NT5DC1: variants seen among roughly 807,000 people sequenced by gnomAD.
NT5DC1 encodes the protein 5'-nucleotidase domain containing 1, also known as 5'-nucleotidase domain-containing protein 1.
Under a neutral mutation model 59.4 loss-of-function variants are expected in NT5DC1, and 42 were observed. The ratio of observed to expected loss-of-function variants is 0.71; its 90% CI spans 0.55 to 0.92. NT5DC1 has a LOEUF of 0.92. NT5DC1 is among the 40% of genes least tolerant of loss of function. The pLI is 0.00. For synonymous variants in NT5DC1, 172 were observed against 188.1 expected, an observed-to-expected ratio of 0.91 and a Z score of 0.70; for missense variants, 501 against 537.1, an observed-to-expected ratio of 0.93 and a Z score of 0.66.
chr6:116,168,656 G>T (rs1306033748), intron 6 of NT5DC1, among the ~76,000 whole-genome samples: 1 of 151,252 alleles, frequency 6.6e-6, no homozygotes, highest in Admixed American at 6.6e-5. Flanking sequence ...ATATTATATT[G>T]TCTCCTTGAG....
chr6:116,181,238 A>G (rs1217823103), intron 6 of NT5DC1, among the ~76,000 whole-genome samples: 1 of 152,062 alleles, frequency 6.6e-6, no homozygotes, highest in Non-Finnish European at 1.5e-5. Flanking sequence ...TATCAGATAA[A>G]TAAATATAGT....
In NT5DC1 at chr6:116,169,660, T is replaced by G. The variant is rs79810121; in HGVS notation, c.530-51394T>G. Among the ~76,000 whole-genome samples the G allele has an allele frequency of 6.6e-5, 10 of 152,294 alleles. No homozygotes were observed. In the East Asian group the frequency reaches 1.9e-3, roughly 29 times the overall value. The stretch of plus-strand genomic sequence containing the variant: ...TAAGCTTTATTTTTTATTGAGAAAT[T>G]TTAACAAATGGATAAAACATGAGGA... On this transcript the variant is annotated intron_variant, in intron 6 of 11. Transcript: ENST00000319550.
chr6:116,163,906 G>C (rs1006429796), intron 6 of NT5DC1, among the ~76,000 whole-genome samples: 4 of 152,134 alleles, frequency 2.6e-5, no homozygotes, highest in Non-Finnish European at 5.9e-5. Context: ...ATGTGGTTTT[G>C]AGAGTTCCTT....
chr6:116,193,577 C>G (rs1272962101), intron 6 of NT5DC1, among the ~76,000 whole-genome samples: 2 of 152,038 alleles, frequency 1.3e-5, no homozygotes, highest in Admixed American at 6.6e-5. Flanking sequence ...GTTTCATAAA[C>G]TGAAAGTCAC....
At chr6:116,138,196 C>T (rs997056368) in intron 6 of NT5DC1, among the ~76,000 whole-genome samples, 11 of 152,110 alleles carry the variant, frequency 7.2e-5, no homozygotes, top group African/African-American at 2.7e-4. Flanking sequence ...ATAGCAGCCC[C>T]GTGAAGTAGG....
At chr6:116,107,919 A>G (rs1430796878) in intron 2 of NT5DC1, among the ~76,000 whole-genome samples, 1 of 152,072 alleles carries the variant, frequency 6.6e-6, no homozygotes, top group African/African-American at 2.4e-5. Flanking sequence ...AGTTCTTGTA[A>G]CCTGACCTAA....
At chr6:116,160,334 C>G (rs1384791507) in intron 6 of NT5DC1, among the ~76,000 whole-genome samples, 1 of 151,970 alleles carries the variant, frequency 6.6e-6, no homozygotes, top group African/African-American at 2.4e-5. Flanking sequence ...TGGCATCTCA[C>G]TGTGGTTTTA....
chr6:116,112,920 A>G lies in NT5DC1; in HGVS notation c.364+1964A>G, dbSNP rs182894149. 2.5e-3 allele frequency among the ~76,000 whole-genome samples: 382 copies of G among 152,322 alleles called. 10 individuals are homozygous for G. In the South Asian group the frequency reaches 0.041, roughly 16 times the overall value. On this transcript the variant is annotated intron_variant, in intron 4 of 11. Coordinates refer to ENST00000319550, the MANE Select transcript of NT5DC1 (RefSeq NM_152729.3). ...ATTAATCCTCAGAGTTAAGAACAGAATTGTAAAGTACATGCCCTATCAGTA... is the reference window on the plus strand; with the variant it reads ...ATTAATCCTCAGAGTTAAGAACAGAGTTGTAAAGTACATGCCCTATCAGTA...
intron 8 of NT5DC1, among the ~76,000 whole-genome samples, chr6:116,224,071 A>G (rs1287866698): frequency 1.3e-5 from 2 of 152,196 alleles, no homozygotes; most frequent in African/African-American, 4.8e-5. Flanking sequence ...GCTTGGCATT[A>G]TATAACAACC....
At chr6:116,179,601 CCTA>C (rs1445628173) in intron 6 of NT5DC1, among the ~76,000 whole-genome samples, 3 of 152,130 alleles carry the variant, frequency 2.0e-5, no homozygotes, top group South Asian at 2.1e-4. Context: ...TAAAAATTAA[CCTA>C]CTGAAATTAA....
intron 6 of NT5DC1, among the ~76,000 whole-genome samples, chr6:116,149,648 C>T (rs978000539): frequency 6.6e-6 from 1 of 152,168 alleles, no homozygotes; most frequent in African/African-American, 2.4e-5. Flanking sequence ...GCCCAAATGC[C>T]TGGTGGAGAC....
rs1159424008 is a variant in NT5DC1 at position 116,247,691 on chromosome 6, ATGT to A, written c.*3672_*3674del. The A allele has an allele frequency of 6.6e-6, 1 of 152,198 alleles. No homozygotes were observed. The highest frequency in any genetic ancestry group is 1.5e-5 in the Non-Finnish European group (1 of 68,018). 9.4% of individuals were successfully genotyped at this position (152,198 alleles called of 1,614,324 possible). A position where few individuals can be genotyped will look rare whatever the true frequency, so the allele number is the denominator to read the frequency against. On this transcript the variant is annotated 3_prime_UTR_variant, in exon 12 of 12. Transcript: ENST00000319550. ...TTTTACTTTTTTTGGTACTTTGGTC[ATGT>A]TGTTTCCTTGGTAAAGATCAAAGTT...
chr6:116,213,857 A>C (rs564430789), intron 6 of NT5DC1, among the ~76,000 whole-genome samples: 40 of 152,118 alleles, frequency 2.6e-4, no homozygotes, highest in African/African-American at 9.4e-4. Context: ...GGGAATTCTT[A>C]TTGGGGATTT....
At chr6:116,196,004 G>C (rs1781219712) in intron 6 of NT5DC1, among the ~76,000 whole-genome samples, 1 of 152,006 alleles carries the variant, frequency 6.6e-6, no homozygotes, top group South Asian at 2.1e-4. Flanking sequence ...TCTAGTACTT[G>C]TTTGAGTACC....
chr6:116,107,990 ATGTGTGTG>A (rs59382013), intron 2 of NT5DC1, among the ~76,000 whole-genome samples: 9,254 of 150,524 alleles, frequency 0.061, 443 homozygotes, highest in African/African-American at 0.14. Context: ...TAGAATATAA[ATGTGTGTG>A]TGTGTGTGTG....
chr6:116,183,313 C>A (rs185798089), intron 6 of NT5DC1, among the ~76,000 whole-genome samples: 1 of 151,962 alleles, frequency 6.6e-6, no homozygotes, highest in Non-Finnish European at 1.5e-5. Flanking sequence ...AATGTGATGC[C>A]TCCAGATTTG....
intron 6 of NT5DC1, among the ~76,000 whole-genome samples, chr6:116,152,994 A>G (rs1376138589): frequency 6.6e-6 from 1 of 152,130 alleles, no homozygotes; most frequent in Non-Finnish European, 1.5e-5. Flanking sequence ...TGATTGCTTT[A>G]TACTTTACCA....
At chr6:116,119,289 TAAAGA>T (rs1158425116) in intron 6 of NT5DC1, 2 of 152,556 alleles carry the variant, frequency 1.3e-5, no homozygotes, top group Non-Finnish European at 2.9e-5. Flanking sequence ...AATAAGGAAT[TAAAGA>T]AATCAAATTA....
intron 6 of NT5DC1, among the ~76,000 whole-genome samples, chr6:116,144,212 TGTAA>T (rs1779836716): frequency 6.6e-6 from 1 of 152,018 alleles, no homozygotes; most frequent in Non-Finnish European, 1.5e-5. Context: ...AACATTAAAG[TGTAA>T]AAGGAGGCCA....
Sources: allele counts gnomAD v4.1 joint callset (sites outside exome capture counted in the v4.1 genomes callset), GRCh38; gene constraint gnomAD v4.1.1; transcripts MANE v1.5; gene names NCBI Gene and HGNC (gene_info 2026-07-23, HGNC 2026-07-21).